The following DNAH5 variants were observed in gnomAD, a reference collection of about 807,000 sequenced individuals.
DNAH5 encodes axonemal beta dynein heavy chain 5.
A neutral mutation model predicts 518.2 loss-of-function variants in DNAH5; 372 were observed. That is an observed-to-expected ratio of 0.72 (90% CI 0.66 to 0.78). DNAH5 has a LOEUF of 0.78. Ranked by LOEUF, DNAH5 falls within the 30% of genes least tolerant of loss-of-function variation. The pLI, the probability that DNAH5 is intolerant of heterozygous loss-of-function variation, is 0.00. For missense variants in DNAH5, 5,523 were observed against 5,687.0 expected (o/e 0.97, Z 0.93); for synonymous variants, 2,039 against 2,025.9 (o/e 1.01, Z -0.17).
rs1239557054 is a variant in DNAH5, at chr5:13,717,625, C to T, written c.12500-105G>A. ...TGTAAATCCCTGATATTAAAATTCA[C>T]TTACTTTGGATTGTTTTTATGACAC... On this transcript the variant is annotated intron_variant, in intron 72 of 78. Transcript: ENST00000265104. The T allele has an allele frequency of 7.0e-6, 7 of 998,742 alleles. No homozygotes were observed. The African/African-American group carries it at 8.0e-5, about 11-fold the overall frequency. 61.9% of individuals were successfully genotyped at this position (998,742 alleles called of 1,614,324 possible).
intron 35 of DNAH5, among the ~76,000 whole-genome samples, chr5:13,836,006 G>C (rs1463188702): frequency 1.3e-5 from 2 of 152,182 alleles, no homozygotes; most frequent in African/African-American, 4.8e-5. Context: ...TGAGGTGAGA[G>C]AGAAGGAAGG....
intron 38 of DNAH5, among the ~76,000 whole-genome samples, chr5:13,825,150 T>G (rs1446140819): frequency 1.3e-5 from 2 of 152,092 alleles, no homozygotes; most frequent in Non-Finnish European, 2.9e-5. Context: ...GAGACCAGCC[T>G]GGCCAACATG....
At chr5:13,704,870 G>A (rs932247132) in intron 76 of DNAH5, among the ~76,000 whole-genome samples, 3 of 152,166 alleles carry the variant, frequency 2.0e-5, no homozygotes, top group African/African-American at 7.2e-5. Flanking sequence ...ACTAGAGGGT[G>A]GAGTGAGGAG....
At chr5:13,879,814 G>A (rs183669765) in intron 21 of DNAH5, among the ~76,000 whole-genome samples, 1 of 152,134 alleles carries the variant, frequency 6.6e-6, no homozygotes, top group African/African-American at 2.4e-5. Flanking sequence ...ACAGACTTAT[G>A]GGACACCATC....
chr5:13,915,338 C>T (rs962431763), intron 9 of DNAH5, among the ~76,000 whole-genome samples: 1 of 152,002 alleles, frequency 6.6e-6, no homozygotes, highest in African/African-American at 2.4e-5. Context: ...ACGATTCTCT[C>T]CTTTTGTACC....
intron 31 of DNAH5, among the ~76,000 whole-genome samples, chr5:13,846,579 G>C (rs967320987): frequency 6.6e-6 from 1 of 152,066 alleles, no homozygotes; most frequent in Non-Finnish European, 1.5e-5. Flanking sequence ...CATTCCTCAA[G>C]ACAAAGGAGG....
At chr5:13,875,465 CAAAAAAAAAA>C (rs70964513) in intron 22 of DNAH5, among the ~76,000 whole-genome samples, 3 of 106,022 alleles carry the variant, frequency 2.8e-5, no homozygotes, top group East Asian at 2.9e-4. Flanking sequence ...GAAACTCCTT[CAAAAAAAAAA>C]AAAAAAAAAA....
intron 74 of DNAH5, 113 bp downstream of exon 74, chr5:13,716,374 A>G (rs1172367760): frequency 5.3e-6 from 4 of 760,396 alleles, no homozygotes; most frequent in Non-Finnish European, 7.0e-6. Flanking sequence ...AAGCATTAGT[A>G]TATATCACCA....
At position 13,859,484 on chromosome 5, in the gene DNAH5, C is replaced by T. The variant is rs1221417848; in HGVS notation, c.4918G>A (p.Val1640Met). ...NLWIYLEAVF[V>M]GGDIAKQLPK... The stretch of plus-strand genomic sequence containing the variant: ...AGCTGCTTGGCAATGTCTCCTCCCA[C>T]AAAGACAGCTTCTAAATAAATCCAC... Residue 1640 changes from valine to methionine, a missense_variant, in exon 30 of 79, where the codon GTG becomes ATG. Physicochemically the swap from Val to Met is conservative, Grantham distance 21. Around this residue, in one of 3 missense-constraint regions of DNAH5, gnomAD observed 5,121 missense variants for 5,223.3 expected, o/e 0.98. Coordinates refer to ENST00000265104, the MANE Select transcript of DNAH5 (RefSeq NM_001369.3). 4 of 1,614,086 alleles carry T rather than the reference C, an allele frequency of 2.5e-6. No individual in the cohort carries two copies. The East Asian group carries it at 8.9e-5, about 36-fold the overall frequency.
Position 13,753,523 on chromosome 5 carries a change from G to C in DNAH5, c.10582C>G (p.Leu3528Val). The C allele has an allele frequency of 6.2e-7, 1 of 1,613,720 alleles. No homozygotes were observed. The change falls in exon 63 of 79, where the codon CTA (leucine) becomes GTA (valine). Residue 3528 changes from leucine (L) to valine (V), a missense_variant. Physicochemically the swap from Leu to Val is conservative, Grantham distance 32 (BLOSUM62 1). Transcript: ENST00000265104. ...TGGTTAAATGGACCAGAATAAGATAGAAAAGCTGTAGCCAACAGTACATCC... is the reference window on the plus strand; with the variant it reads ...TGGTTAAATGGACCAGAATAAGATACAAAAGCTGTAGCCAACAGTACATCC... ...VGDVLLATAF[L>V]SYSGPFNQEF...
At chr5:13,740,405 C>G (rs1480612842) in intron 65 of DNAH5, among the ~76,000 whole-genome samples, 1 of 152,096 alleles carries the variant, frequency 6.6e-6, no homozygotes, top group East Asian at 1.9e-4. Flanking sequence ...AAGACCTTAC[C>G]AAGGCCTATA....
At chr5:13,791,914 A>G (rs1757054129) in intron 50 of DNAH5, 80 bp downstream of exon 50, 1 of 1,269,456 alleles carries the variant, frequency 7.9e-7, no homozygotes, top group Admixed American at 2.0e-5. Flanking sequence ...CAGTTCAAGT[A>G]AAAAATAAAT....
intron 70 of DNAH5, among the ~76,000 whole-genome samples, chr5:13,722,873 C>A (rs1023167304): frequency 3.9e-5 from 6 of 152,210 alleles, no homozygotes; most frequent in Non-Finnish European, 8.8e-5. Context: ...TCTGCCTTGG[C>A]AACTATTTCT....
At chr5:13,950,649 T>C (rs1780318812) in intron 1 of DNAH5, among the ~76,000 whole-genome samples, 4 of 152,184 alleles carry the variant, frequency 2.6e-5, no homozygotes, top group Admixed American at 1.3e-4. Context: ...AGCTCATGGG[T>C]TGTGAATGAA....
rs369671081 is a variant in DNAH5 at position 13,914,510 on chromosome 5, T to G, written c.1320+10A>C. 6.2e-7 allele frequency: 1 copy of G among 1,612,456 alleles called. No individual in the cohort carries two copies. Among genetic ancestry groups the G allele is most frequent in the East Asian group, 2.2e-5 (1 of 44,808 alleles). Reference sequence around the variant, plus strand: ...AGAATAGAACATCTAAATACTAAACTGACCATTACCTGTTTCAGTTTAATC... The same window carrying G: ...AGAATAGAACATCTAAATACTAAACGGACCATTACCTGTTTCAGTTTAATC... On this transcript the variant is annotated intron_variant, in intron 10 of 78. Coordinates refer to ENST00000265104, the MANE Select transcript of DNAH5 (RefSeq NM_001369.3).
intron 68 of DNAH5, 43 bp from the exon 69 acceptor site, chr5:13,729,603 C>G: frequency 6.5e-7 from 1 of 1,539,060 alleles, no homozygotes; most frequent in Non-Finnish European, 8.9e-7. Context: ...CCTTCCTTCA[C>G]TATAAAACAA....
chr5:13,994,237 C>G (rs1434311524), intron 1 of DNAH5, among the ~76,000 whole-genome samples: 1 of 152,144 alleles, frequency 6.6e-6, no homozygotes, highest in Non-Finnish European at 1.5e-5. Context: ...TGCCTTTGAC[C>G]CCAGGTCTTA....
chr5:13,849,058 CT>C (rs549881912), intron 31 of DNAH5, among the ~76,000 whole-genome samples: 65 of 152,272 alleles, frequency 4.3e-4, no homozygotes, highest in South Asian at 3.7e-3. Context: ...TTTGTTTAGA[CT>C]TTTTTTTATA....
chr5:13,888,555 C>G (rs1772738825), intron 17 of DNAH5, among the ~76,000 whole-genome samples: 1 of 152,158 alleles, frequency 6.6e-6, no homozygotes, highest in African/African-American at 2.4e-5. Flanking sequence ...AATAAACAAA[C>G]TCAAGAGAAA....
Sources: allele counts gnomAD v4.1 joint callset (sites outside exome capture counted in the v4.1 genomes callset), GRCh38; gene constraint gnomAD v4.1.1; regional missense constraint gnomAD v4.1.1; transcripts MANE v1.5; gene names NCBI Gene and HGNC (gene_info 2026-07-23, HGNC 2026-07-21).